Variants in TNXB observed in about 807,000 individuals in gnomAD.
TNXB encodes tenascin-X.
In TNXB, 183 loss-of-function variants were observed where a neutral mutation model predicts 340.5. That is an observed-to-expected ratio of 0.54 (90% CI 0.48 to 0.61). TNXB has a LOEUF of 0.61. TNXB is among the 20% of genes least tolerant of loss of function. TNXB has a pLI of 0.00. For synonymous variants in TNXB, 2,121 were observed against 2,314.5 expected (o/e 0.92, Z 2.40); for missense variants, 4,613 against 5,446.4 (o/e 0.85, Z 4.82).
chr6:32,042,582 C>G lies in TNXB; in HGVS notation c.12083G>C (p.Arg4028Thr), dbSNP rs1446904354. 6.3e-7 allele frequency: 1 copy of G among 1,588,568 alleles called. No individual in the cohort carries two copies. Among genetic ancestry groups the G allele is most frequent in the Admixed American group, 1.8e-5 (1 of 56,900 alleles). Residue 4028 changes from arginine (R) to threonine (T), a missense_variant, in exon 40 of 44, where the codon AGG (arginine) becomes ACG (threonine). Arg to Thr is a moderately conservative substitution (Grantham distance 71). Transcript: ENST00000644971. ...TTGGLRIPFP[R>T]DCGEEMQNGA... ...GTTCTGCATCTCCTCCCCGCAGTCCCTGGGGAAGGGGATCCGCAGCCCACC... is the reference window on the plus strand; with the variant it reads ...GTTCTGCATCTCCTCCCCGCAGTCCGTGGGGAAGGGGATCCGCAGCCCACC...
chr6:32,084,139 A>AC lies in TNXB; in HGVS notation c.3445+273dup, dbSNP rs34112136. Reference sequence around the variant, plus strand: ...AAGCCCTGAGACCAGGCCCTTTGGCACCCCCCACATGCCCTGTTCTCCAGC... The same window carrying AC: ...AAGCCCTGAGACCAGGCCCTTTGGCACCCCCCCACATGCCCTGTTCTCCAGC... On this transcript the variant is annotated intron_variant, in intron 8 of 43. Coordinates refer to ENST00000644971, the MANE Select transcript of TNXB (RefSeq NM_001365276.2). This position sits in a 1 kb window ranked among gnomAD's most constrained non-coding sequence, Gnocchi z 5.5. Among the ~76,000 whole-genome samples, 1 of 151,842 alleles carries AC rather than the reference A, an allele frequency of 6.6e-6. No individual in the cohort carries two copies.
chr6:32,100,589 C>T (rs1010124912), intron 1 of TNXB, among the ~76,000 whole-genome samples: 2 of 151,930 alleles, frequency 1.3e-5, no homozygotes, highest in African/African-American at 4.8e-5. Flanking sequence ...ATTCACTGGG[C>T]GTGGTGGTAC....
chr6:32,072,030 A>T lies in TNXB; in HGVS notation c.4950T>A (p.Asp1650Glu), dbSNP rs770472122. The change falls in exon 13 of 44, where the codon GAT (aspartate) becomes GAA (glutamate). Residue 1650 changes from aspartate to glutamate, a missense_variant. Asp to Glu is a conservative substitution (Grantham distance 45). Transcript: ENST00000644971. The surrounding 1 kb of genome is among the most constrained non-coding windows in gnomAD (Gnocchi z 4.4). ...CAGAGACTGGGCTGCGTCGTTTCCC[A>T]TCCTGGATCCCAAAGAGCAGGAACT... ...KYKFLLFGIQ[D>E]GKRRSPVSVE... is the part of the protein sequence containing the mutation. The T allele has an allele frequency of 1.2e-6, 2 of 1,608,694 alleles. No homozygotes were observed. Among genetic ancestry groups the T allele is most frequent in the Non-Finnish European group, 1.7e-6 (2 of 1,177,614 alleles).
At chr6:32,086,214 C>G (rs1478141622) in intron 6 of TNXB, 96 bp from the exon 7 acceptor site, 1 of 1,364,386 alleles carries the variant, frequency 7.3e-7, no homozygotes, top group Non-Finnish European at 9.7e-7. Context: ...CCTCTAAGAG[C>G]CTTGTTCTAC....
chr6:32,104,777 AG>A (rs1204216504), intron 1 of TNXB, among the ~76,000 whole-genome samples: 1 of 152,098 alleles, frequency 6.6e-6, no homozygotes, highest in Non-Finnish European at 1.5e-5. Context: ...TTGGGACTAC[AG>A]GTGTGTGCCA....
At chr6:32,099,220 TCC>T (rs1405259540) in intron 1 of TNXB, among the ~76,000 whole-genome samples, 37 of 132,646 alleles carry the variant, frequency 2.8e-4, no homozygotes, top group African/African-American at 1.0e-3. Context: ...GATTATCTTC[TCC>T]CTCTCTCTCT....
In TNXB at chr6:32,095,782, C is replaced by T. The variant is rs1693589260; in HGVS notation, c.2071G>A (p.Gly691Ser). The change falls in exon 3 of 44, where the codon GGC becomes AGC. Residue 691 changes from glycine to serine, a missense_variant. Around this residue, in one of 7 missense-constraint regions of TNXB, gnomAD observed 4,327 missense variants for 4,859.4 expected, o/e 0.89. Coordinates refer to ENST00000644971, the MANE Select transcript of TNXB (RefSeq NM_001365276.2). ...CGGCACAGTTCCCGGGGCCCGCAGC[C>T]TCCAGGGCAGGCGCTGGCTGGAGGC... ...EEPPASACPG[G>S]CGPRELCRAG... is the part of the protein sequence containing the mutation. 4 of 1,613,684 alleles carry T rather than the reference C, an allele frequency of 2.5e-6. No homozygotes were observed. The highest frequency in any genetic ancestry group is 1.1e-5 in the South Asian group (1 of 91,060).
chr6:32,081,709 G>C lies in TNXB; in HGVS notation c.3737-36C>G. On this transcript the variant is annotated intron_variant, in intron 9 of 43. Coordinates refer to ENST00000644971, the MANE Select transcript of TNXB (RefSeq NM_001365276.2). The surrounding 1 kb of genome is among the most constrained non-coding windows in gnomAD (Gnocchi z 5.1). ...GGAGATCCAGCCAGGTGCTGAACTG[G>C]CAGCCTGGGACTGGGGCTTGGGGTT... The C allele has an allele frequency of 6.6e-7, 1 of 1,511,946 alleles. No homozygotes were observed. Among genetic ancestry groups the C allele is most frequent in the Non-Finnish European group, 8.9e-7 (1 of 1,121,712 alleles). The allele number at this position is 1,511,946 out of a possible 1,614,324, so 93.7% of individuals were successfully genotyped here.
intron 11 of TNXB, among the ~76,000 whole-genome samples, chr6:32,076,552 G>A (rs1477076541): frequency 6.6e-6 from 1 of 152,222 alleles, no homozygotes; most frequent in Non-Finnish European, 1.5e-5. Context: ...GAAGGTCTGA[G>A]CAAAAGATGA....
In TNXB at chr6:32,046,708, G is replaced by T; in HGVS notation, c.10325-252C>A. The T allele has an allele frequency of 2.4e-6, 1 of 420,460 alleles. No homozygotes were observed. The highest frequency in any genetic ancestry group is 3.7e-5 in the Admixed American group (1 of 26,976). 26.0% of individuals were successfully genotyped at this position (420,460 alleles called of 1,614,324 possible). A position where few individuals can be genotyped will look rare whatever the true frequency, so the allele number is the denominator to read the frequency against. On this transcript the variant is annotated intron_variant, in intron 30 of 43. Transcript: ENST00000644971. The surrounding 1 kb of genome is among the most constrained non-coding windows in gnomAD (Gnocchi z 6.9). ...CCTTCCCTGCTGTGATCGAGGATGC[G>T]CCAAATTCATTACAGATCATCTCCC...
chr6:32,081,615 C>T lies in TNXB; in HGVS notation c.3795G>A (p.Gly1265=), dbSNP rs1476158529. The change falls in exon 10 of 44, where the codon GGG becomes GGA. Residue 1265 remains glycine (G), a synonymous_variant. Transcript: ENST00000644971. The surrounding 1 kb of genome is among the most constrained non-coding windows in gnomAD (Gnocchi z 5.1). The part of the protein sequence containing the change: ...RPEFLEQPLL[G]ELTVTGVTPD... The stretch of plus-strand genomic sequence containing the variant: ...GGGTCACGCCGGTCACTGTCAGTTC[C>T]CCCAGGAGGGGCTGCTCCAGGAACT... 1.9e-6 allele frequency: 3 copies of T among 1,600,674 alleles called. No homozygotes were observed. The highest frequency in any genetic ancestry group is 2.6e-6 in the Non-Finnish European group (3 of 1,174,508).
In TNXB at chr6:32,081,250, G is replaced by A; in HGVS notation, c.4042+118C>T. 1 of 1,041,986 alleles carries A rather than the reference G, an allele frequency of 9.6e-7. No homozygotes were observed. Among genetic ancestry groups the A allele is most frequent in the East Asian group, 2.6e-5 (1 of 38,148 alleles). The allele number at this position is 1,041,986 out of a possible 1,614,324, so 64.5% of individuals were successfully genotyped here. A position where few individuals can be genotyped will look rare whatever the true frequency, so the allele number is the denominator to read the frequency against. On this transcript the variant is annotated intron_variant, in intron 10 of 43. Transcript: ENST00000644971. The surrounding 1 kb of genome is among the most constrained non-coding windows in gnomAD (Gnocchi z 5.1). ...AGCAGTGCGGGAGGAAGTGGGTGGA[G>A]GCTTTGGCAAAATGAGCTGAGAAGG...
At position 32,059,032 on chromosome 6, in the gene TNXB, G is replaced by C. The variant is rs141419267; in HGVS notation, c.7493-642C>G. On this transcript the variant is annotated intron_variant, in intron 21 of 43. Coordinates refer to ENST00000644971, the MANE Select transcript of TNXB (RefSeq NM_001365276.2). ...TTGTTATTAATGCCGGCAGCTGGGG[G>C]AGAAAGTAGGACTATGAGATTCTTG... Among the ~76,000 whole-genome samples, 28 of 152,006 alleles carry C rather than the reference G, an allele frequency of 1.8e-4. No individual in the cohort carries two copies. In the East Asian group the frequency reaches 5.2e-3, roughly 28 times the overall value.
chr6:32,095,780 G>C lies in TNXB; in HGVS notation c.2073C>G (p.Gly691=). ...EEPPASACPG[G]CGPRELCRAG... ...CCCGGCACAGTTCCCGGGGCCCGCA[G>C]CCTCCAGGGCAGGCGCTGGCTGGAG... is the stretch of plus-strand genomic sequence containing the variant. The change falls in exon 3 of 44, where the codon GGC becomes GGG. Residue 691 remains glycine, a synonymous_variant. Transcript: ENST00000644971. The C allele has an allele frequency of 6.2e-7, 1 of 1,613,630 alleles. No homozygotes were observed. The highest frequency in any genetic ancestry group is 8.5e-7 in the Non-Finnish European group (1 of 1,179,750).
chr6:32,069,134 C>G lies in TNXB; in HGVS notation c.5590G>C (p.Gly1864Arg), dbSNP rs748535695. 6.2e-7 allele frequency: 1 copy of G among 1,604,726 alleles called. No homozygotes were observed. Among genetic ancestry groups the G allele is most frequent in the South Asian group, 1.1e-5 (1 of 90,664 alleles). ...GPISAVAITA[G>R]REETETETTA... Reference sequence around the variant, plus strand: ...GTCTCAGTTTCCGTTTCTTCCCTGCCGGCTGGTTCACAGAGACAGGTAGAG... The same window carrying G: ...GTCTCAGTTTCCGTTTCTTCCCTGCGGGCTGGTTCACAGAGACAGGTAGAG... Residue 1864 changes from glycine to arginine, a missense_variant and splice_region_variant, in exon 16 of 44, where the codon GGC becomes CGC. By Grantham distance (125) the Gly-to-Arg change is moderately radical. Around this residue, in one of 7 missense-constraint regions of TNXB, gnomAD observed 4,327 missense variants for 4,859.4 expected, o/e 0.89. Coordinates refer to ENST00000644971, the MANE Select transcript of TNXB (RefSeq NM_001365276.2). The surrounding 1 kb of genome is among the most constrained non-coding windows in gnomAD (Gnocchi z 6.2).
At chr6:32,053,985 C>T (rs922145193) in intron 24 of TNXB, among the ~76,000 whole-genome samples, 2 of 151,764 alleles carry the variant, frequency 1.3e-5, no homozygotes, top group African/African-American at 4.8e-5. Flanking sequence ...CCCCACTCGG[C>T]CTCTGCACCC....
In TNXB at chr6:32,053,857, C is replaced by T. The variant is rs780329885; in HGVS notation, c.8468-146G>A. 532 of 995,350 alleles carry T rather than the reference C, an allele frequency of 5.3e-4. 1 individual carries two copies. The highest frequency in any genetic ancestry group is 6.8e-4 in the Non-Finnish European group (468 of 688,480). The allele number at this position is 995,350 out of a possible 1,614,324, so 61.7% of individuals were successfully genotyped here. A position where few individuals can be genotyped will look rare whatever the true frequency, so the allele number is the denominator to read the frequency against. ...CAGCTCTTCATCCTCTCCTCTCCTG[C>T]GGCCTTTCCTATCCCTCACCCTGAC... On this transcript the variant is annotated intron_variant, in intron 24 of 43. Coordinates refer to ENST00000644971, the MANE Select transcript of TNXB (RefSeq NM_001365276.2).
In TNXB at chr6:32,096,236, C is replaced by A. The variant is rs1317872284; in HGVS notation, c.1617G>T (p.Glu539Asp). 6.4e-7 allele frequency: 1 copy of A among 1,569,212 alleles called. No homozygotes were observed. Among genetic ancestry groups the A allele is most frequent in the East Asian group, 2.4e-5 (1 of 42,292 alleles). ...CTGCGTCACACACGCACACGCCATC[C>A]TCGCAAAGGCCGTGCCCACGGCAGT... Reference protein sequence around the residue: ...PGDCRGHGLCEDGVCVCDAGY... With the variant: ...PGDCRGHGLCDDGVCVCDAGY... Residue 539 changes from glutamate to aspartate, a missense_variant, in exon 3 of 44, where the codon GAG becomes GAT. Transcript: ENST00000644971.
rs961012530 is a variant in TNXB at position 32,052,250 on chromosome 6, G to A, written c.9115+420C>T. 4.6e-5 allele frequency among the ~76,000 whole-genome samples: 7 copies of A among 152,150 alleles called. No homozygotes were observed. Among genetic ancestry groups the A allele is most frequent in the African/African-American group, 1.4e-4 (6 of 41,430 alleles). ...GCAGATCACGAGGTCAGGAGATTGAGACCATCCTGGCTAACACGGTGAAAC... is the reference window on the plus strand; with the variant it reads ...GCAGATCACGAGGTCAGGAGATTGAAACCATCCTGGCTAACACGGTGAAAC... On this transcript the variant is annotated intron_variant, in intron 26 of 43. Transcript: ENST00000644971. This position sits in a 1 kb window ranked among gnomAD's most constrained non-coding sequence, Gnocchi z 4.7.
Sources: gnomAD v4.1 joint callset for allele counts (sites outside exome capture counted in the v4.1 genomes callset) on GRCh38, gnomAD v4.1.1 for gene constraint, gnomAD v4.1.1 regional missense constraint, Gnocchi (gnomAD v3.1) non-coding constraint, MANE v1.5 for transcripts, NCBI Gene and HGNC (gene_info 2026-07-23, HGNC 2026-07-21) for gene names.